Variants in RIMBP2 observed in about 807,000 individuals in gnomAD.
RIMBP2 encodes RIMS-binding protein 2.
RIMBP2 carries 48 observed loss-of-function variants against 118.6 expected under a neutral mutation model. That is an observed-to-expected ratio of 0.40 (90% CI 0.32 to 0.51). The LOEUF (loss-of-function observed/expected upper bound fraction) is 0.51. Among genes scored for constraint, RIMBP2 ranks in the 20% least tolerant of loss-of-function variants. The probability of loss-of-function intolerance (pLI) is 0.41; values close to 1 mark genes in which losing one functional copy is unlikely to be tolerated. For synonymous variants in RIMBP2, 762 were observed against 742.9 expected (o/e 1.03, Z -0.42); for missense variants, 1,551 against 1,768.3 (o/e 0.88, Z 2.20).
At chr12:130,432,428 G>A (rs1020542389) in intron 14 of RIMBP2, among the ~76,000 whole-genome samples, 4 of 152,140 alleles carry the variant, frequency 2.6e-5, no homozygotes, top group Non-Finnish European at 2.9e-5. Context: ...CTGTGCTATC[G>A]TGGCAGGTGT....
chr12:130,529,056 T>C (rs982881369), intron 2 of RIMBP2, among the ~76,000 whole-genome samples: 1 of 152,190 alleles, frequency 6.6e-6, no homozygotes, highest in African/African-American at 2.4e-5. Context: ...CAAGTGTCGA[T>C]TGATGGATGA....
chr12:130,709,853 G>A (rs1949777101), intron 1 of RIMBP2, among the ~76,000 whole-genome samples: 1 of 152,128 alleles, frequency 6.6e-6, no homozygotes, highest in Non-Finnish European at 1.5e-5. Flanking sequence ...CCCCTCAGGA[G>A]GCCCCTGCTG....
rs181512036 is a variant in RIMBP2, at chr12:130,565,186, C to T, written c.-216-47269G>A. Among the ~76,000 whole-genome samples, 68 of 152,232 alleles carry T rather than the reference C, an allele frequency of 4.5e-4. No homozygotes were observed. The East Asian group carries it at 5.4e-3, about 12-fold the overall frequency. Reference sequence around the variant, plus strand: ...GCTAGAGTGCATGGTGTGATCATGGCTCACTGCAGCCTTGACCTCCCAAGT... The same window carrying T: ...GCTAGAGTGCATGGTGTGATCATGGTTCACTGCAGCCTTGACCTCCCAAGT... On this transcript the variant is annotated intron_variant, in intron 2 of 22. Coordinates refer to ENST00000690449, the MANE Select transcript of RIMBP2 (RefSeq NM_001393629.1).
intron 1 of RIMBP2, among the ~76,000 whole-genome samples, chr12:130,672,581 G>A (rs537965906): frequency 1.5e-4 from 23 of 152,304 alleles, no homozygotes; most frequent in African/African-American, 5.3e-4. Context: ...GAAGCAGCAC[G>A]TGGGCAAGTT....
rs2136224987 is a variant in RIMBP2, at chr12:130,396,211, A to G, written c.*1150T>C. 2 of 152,786 alleles carry G rather than the reference A, an allele frequency of 1.3e-5. No individual in the cohort carries two copies. Among genetic ancestry groups the G allele is most frequent in the Middle Eastern group, 6.8e-3 (2 of 294 alleles). The allele number at this position is 152,786 out of a possible 1,614,324, so 9.5% of individuals were successfully genotyped here. ...CATGCACACACCCACACAGAGCTTA[A>G]CCACACATGGATTTCCTTTAATAAT... On this transcript the variant is annotated 3_prime_UTR_variant, in exon 23 of 23. Transcript: ENST00000690449.
At chr12:130,443,346 A>G (rs1348177280) in intron 10 of RIMBP2, among the ~76,000 whole-genome samples, 1 of 152,016 alleles carries the variant, frequency 6.6e-6, no homozygotes, top group Non-Finnish European at 1.5e-5. Flanking sequence ...TGCTTTCTTC[A>G]TTAGTAGGGC....
In RIMBP2 at chr12:130,442,918, T is replaced by C. The variant is rs1385857057; in HGVS notation, c.692-258A>G. On this transcript the variant is annotated intron_variant, in intron 10 of 22. Coordinates refer to ENST00000690449, the MANE Select transcript of RIMBP2 (RefSeq NM_001393629.1). The surrounding 1 kb of genome is among the most constrained non-coding windows in gnomAD (Gnocchi z 6.9). Reference sequence around the variant, plus strand: ...AACCTGAAACCATCATGTTTGTGTATCCGTGTACGTACACTGACTACCCCC... The same window carrying C: ...AACCTGAAACCATCATGTTTGTGTACCCGTGTACGTACACTGACTACCCCC... Among the ~76,000 whole-genome samples, 4 of 152,152 alleles carry C rather than the reference T, an allele frequency of 2.6e-5. No homozygotes were observed. The highest frequency in any genetic ancestry group is 9.7e-5 in the African/African-American group (4 of 41,420).
At chr12:130,638,508 C>T (rs1172936303) in intron 1 of RIMBP2, among the ~76,000 whole-genome samples, 1 of 152,166 alleles carries the variant, frequency 6.6e-6, no homozygotes, top group Non-Finnish European at 1.5e-5. Flanking sequence ...AAGTGACTGC[C>T]TGAGCTCCGC....
At chr12:130,594,298 C>A (rs972598224) in intron 2 of RIMBP2, among the ~76,000 whole-genome samples, 3 of 152,210 alleles carry the variant, frequency 2.0e-5, no homozygotes, top group Non-Finnish European at 4.4e-5. Flanking sequence ...AGAGAACTGT[C>A]CTTCAAAATG....
intron 21 of RIMBP2, among the ~76,000 whole-genome samples, chr12:130,402,122 C>T (rs2074652630): frequency 6.6e-6 from 1 of 152,214 alleles, no homozygotes; most frequent in South Asian, 2.1e-4. Context: ...CTCCCTTCCC[C>T]ATGTCTGATG....
Position 130,715,761 on chromosome 12 carries a change from C to A in RIMBP2, c.-352+461G>T, listed in dbSNP as rs186177537. ...TGTTTGTCCCACGTCCCCTTCCCCC[C>A]CTCCACCCCGCCCCCAAGAAGACAA... On this transcript the variant is annotated intron_variant, in intron 1 of 22. Transcript: ENST00000690449. Among the ~76,000 whole-genome samples, 1,054 of 151,510 alleles carry A rather than the reference C, an allele frequency of 7.0e-3. 15 individuals are homozygous for A. Among genetic ancestry groups the A allele is most frequent in the African/African-American group, 0.024 (1,005 of 41,378 alleles).
chr12:130,526,692 T>C (rs529937451), intron 2 of RIMBP2, among the ~76,000 whole-genome samples: 10 of 152,328 alleles, frequency 6.6e-5, no homozygotes, highest in African/African-American at 1.7e-4. Context: ...GAATTATAAA[T>C]ATATAACCAT....
intron 3 of RIMBP2, among the ~76,000 whole-genome samples, chr12:130,512,912 A>G (rs1013438891): frequency 6.6e-6 from 1 of 152,128 alleles, no homozygotes; most frequent in Non-Finnish European, 1.5e-5. Context: ...CTCACCTTTC[A>G]GTCAAAAACT....
intron 11 of RIMBP2, among the ~76,000 whole-genome samples, chr12:130,438,763 T>C (rs1278561925): frequency 3.3e-5 from 5 of 152,156 alleles, no homozygotes; most frequent in Non-Finnish European, 7.4e-5. Flanking sequence ...CACCATCTTC[T>C]GGGAAATGCA....
At chr12:130,587,544 T>G (rs1463535029) in intron 2 of RIMBP2, among the ~76,000 whole-genome samples, 1 of 84,584 alleles carries the variant, frequency 1.2e-5, no homozygotes, top group African/African-American at 4.8e-5. Context: ...ATGGATGAAA[T>G]TGGAAATCAT....
At chr12:130,677,937 AC>A (rs2064574847) in intron 1 of RIMBP2, among the ~76,000 whole-genome samples, 1 of 152,174 alleles carries the variant, frequency 6.6e-6, no homozygotes, top group Admixed American at 6.5e-5. Context: ...CGCAGAAGGC[AC>A]CCCTCCTCCA....
At chr12:130,656,041 C>T (rs777001630) in intron 1 of RIMBP2, among the ~76,000 whole-genome samples, 2 of 152,132 alleles carry the variant, frequency 1.3e-5, no homozygotes, top group Non-Finnish European at 2.9e-5. Context: ...CCAGCAAGGC[C>T]GGCCTGCAGG....
chr12:130,438,335 A>ACCCCCCCCCCCCC (rs146625626), intron 12 of RIMBP2, 30 bp downstream of exon 12: 115 of 865,832 alleles, frequency 1.3e-4, no homozygotes, highest in East Asian at 2.2e-4. Flanking sequence ...GGCCTAACAA[A>ACCCCCCCCCCCCC]CCCTCCCCAC....
intron 1 of RIMBP2, among the ~76,000 whole-genome samples, chr12:130,690,404 C>G (rs1021170368): frequency 1.6e-4 from 24 of 152,214 alleles, no homozygotes; most frequent in Non-Finnish European, 3.2e-4. Context: ...GAATGAGGCT[C>G]TAACAGCTTG....
Sources: gnomAD v4.1 joint callset for allele counts (sites outside exome capture counted in the v4.1 genomes callset) on GRCh38, gnomAD v4.1.1 for gene constraint, Gnocchi (gnomAD v3.1) non-coding constraint, MANE v1.5 for transcripts, NCBI Gene and HGNC (gene_info 2026-07-23, HGNC 2026-07-21) for gene names.